The following B3GALT1 variants were observed in gnomAD, a reference collection of about 807,000 sequenced individuals.
B3GALT1 encodes the protein UDP-Gal:betaGlcNAc beta 1,3-galactosyltransferase, polypeptide 1.
B3GALT1 carries 10 observed loss-of-function variants against 23.2 expected under a neutral mutation model. The ratio of observed to expected loss-of-function variants is 0.43; its 90% CI spans 0.27 to 0.73. B3GALT1 has a LOEUF of 0.73. Among genes scored for constraint, B3GALT1 ranks in the 30% least tolerant of loss-of-function variants. The pLI, the probability that B3GALT1 is intolerant of heterozygous loss-of-function variation, is 0.21. For synonymous variants in B3GALT1, 156 were observed against 141.5 expected (o/e 1.10, Z -0.73); for missense variants, 299 against 405.4 (o/e 0.74, Z 2.25).
At chr2:167,529,438 C>T (rs1683284301) in intron 2 of B3GALT1, among the ~76,000 whole-genome samples, 2 of 151,776 alleles carry the variant, frequency 1.3e-5, no homozygotes, top group African/African-American at 4.8e-5. Flanking sequence ...GCCTCTTTGG[C>T]ACTCTAAGAG....
At chr2:167,341,041 T>C (rs1574039919) in intron 1 of B3GALT1, among the ~76,000 whole-genome samples, 1 of 152,062 alleles carries the variant, frequency 6.6e-6, no homozygotes, top group Non-Finnish European at 1.5e-5. Context: ...GAAACTGACA[T>C]TAAGAACTCA....
At chr2:167,721,639 C>T (rs752859727) in intron 3 of B3GALT1, among the ~76,000 whole-genome samples, 3 of 152,156 alleles carry the variant, frequency 2.0e-5, no homozygotes, top group Non-Finnish European at 2.9e-5. Context: ...CTGTGCAAAG[C>T]GCCAGGGCAC....
chr2:167,532,580 T>C (rs1390032432), intron 2 of B3GALT1, among the ~76,000 whole-genome samples: 1 of 150,298 alleles, frequency 6.7e-6, no homozygotes, highest in African/African-American at 2.5e-5. Context: ...ACACTCACTA[T>C]CATTCATTAG....
At chr2:167,836,289 G>T (rs1689469146) in intron 4 of B3GALT1, among the ~76,000 whole-genome samples, 1 of 152,142 alleles carries the variant, frequency 6.6e-6, no homozygotes, top group South Asian at 2.1e-4. Context: ...AAAAAATTTA[G>T]AAGAATGTAT....
chr2:167,690,233 T>C (rs925254502), intron 3 of B3GALT1, among the ~76,000 whole-genome samples: 2 of 152,004 alleles, frequency 1.3e-5, no homozygotes, highest in African/African-American at 4.8e-5. Context: ...ATATTAATAC[T>C]ATAAAATATG....
chr2:167,400,291 A>G (rs775558504), intron 1 of B3GALT1, among the ~76,000 whole-genome samples: 3 of 151,564 alleles, frequency 2.0e-5, no homozygotes, highest in Non-Finnish European at 4.4e-5. Context: ...TTCTTCAGTA[A>G]TGTGCAATTT....
rs1559105189 is a variant in B3GALT1, at chr2:167,464,101, A to G, written c.-510-26076A>G. Among the ~76,000 whole-genome samples the G allele has an allele frequency of 3.3e-5, 5 of 152,302 alleles. No homozygotes were observed. In the South Asian group the frequency reaches 1.0e-3, roughly 32 times the overall value. ...CCAACTGAAAAGGACTTTCTGAAGC[A>G]GTTAATTTAAATGATTTATATGAGG... On this transcript the variant is annotated intron_variant, in intron 1 of 4. Transcript: ENST00000392690.
At chr2:167,504,913 A>T (rs1372356757) in intron 2 of B3GALT1, among the ~76,000 whole-genome samples, 1 of 152,194 alleles carries the variant, frequency 6.6e-6, no homozygotes, top group Non-Finnish European at 1.5e-5. Context: ...CAGTGACAAG[A>T]TCACCTAACA....
intron 3 of B3GALT1, among the ~76,000 whole-genome samples, chr2:167,655,994 G>T (rs1685949441): frequency 6.6e-6 from 1 of 152,094 alleles, no homozygotes; most frequent in Non-Finnish European, 1.5e-5. Flanking sequence ...TCCATACGTT[G>T]TGTCAGCCCC....
intron 2 of B3GALT1, among the ~76,000 whole-genome samples, chr2:167,623,922 A>G (rs1685301035): frequency 6.6e-6 from 1 of 152,008 alleles, no homozygotes; most frequent in Non-Finnish European, 1.5e-5. Context: ...AGTAACTATA[A>G]CACATGGCCA....
intron 3 of B3GALT1, among the ~76,000 whole-genome samples, chr2:167,653,798 C>A (rs1475281293): frequency 6.6e-6 from 1 of 152,216 alleles, no homozygotes; most frequent in Admixed American, 6.5e-5. Context: ...TGTGCCACCA[C>A]TGCCAGTGCC....
intron 4 of B3GALT1, among the ~76,000 whole-genome samples, chr2:167,868,022 G>A (rs1197355556): frequency 6.6e-6 from 1 of 152,164 alleles, no homozygotes; most frequent in Non-Finnish European, 1.5e-5. Context: ...AATTAAAAGG[G>A]CCAGTATAAT....
At chr2:167,381,816 T>C (rs1005464465) in intron 1 of B3GALT1, among the ~76,000 whole-genome samples, 3 of 152,236 alleles carry the variant, frequency 2.0e-5, no homozygotes, top group Non-Finnish European at 4.4e-5. Context: ...AAAAAGTCTT[T>C]GTGGTGTTGA....
intron 2 of B3GALT1, among the ~76,000 whole-genome samples, chr2:167,531,291 G>A (rs1413283145): frequency 3.9e-5 from 6 of 152,262 alleles, no homozygotes; most frequent in Non-Finnish European, 8.8e-5. Context: ...GATTGGGGTG[G>A]AGTTGGCAGG....
intron 3 of B3GALT1, among the ~76,000 whole-genome samples, chr2:167,656,816 T>C (rs1302901625): frequency 1.3e-5 from 2 of 152,132 alleles, no homozygotes; most frequent in Non-Finnish European, 2.9e-5. Context: ...ATAGATTTAG[T>C]GTCTGGATTT....
chr2:167,728,487 G>A (rs1344901331), intron 3 of B3GALT1, among the ~76,000 whole-genome samples: 1 of 152,112 alleles, frequency 6.6e-6, no homozygotes, highest in Non-Finnish European at 1.5e-5. Context: ...AAATATATAT[G>A]GCTATACCAT....
At chr2:167,466,967 A>G (rs1054608622) in intron 1 of B3GALT1, among the ~76,000 whole-genome samples, 14 of 150,790 alleles carry the variant, frequency 9.3e-5, no homozygotes, top group Non-Finnish European at 1.6e-4. Flanking sequence ...AGCTCAGGCA[A>G]TCTGCCTGCC....
rs116156136 is a variant in B3GALT1, at chr2:167,590,073, G to A, written c.-409-56836G>A. Among the ~76,000 whole-genome samples, 1,355 of 152,200 alleles carry A rather than the reference G, an allele frequency of 8.9e-3. 22 individuals are homozygous for A. The highest frequency in any genetic ancestry group is 0.03 in the African/African-American group (1,256 of 41,534). On this transcript the variant is annotated intron_variant, in intron 2 of 4. Coordinates refer to ENST00000392690, the MANE Select transcript of B3GALT1 (RefSeq NM_020981.4). The stretch of plus-strand genomic sequence containing the variant: ...AGAAATAACATTTAGTGGGCCAGGC[G>A]CGGTGACTCACGCCTGTAATCCCAG...
intron 1 of B3GALT1, among the ~76,000 whole-genome samples, chr2:167,307,894 A>G (rs1696573955): frequency 6.6e-6 from 1 of 152,070 alleles, no homozygotes; most frequent in Non-Finnish European, 1.5e-5. Flanking sequence ...ATAGAAAAAC[A>G]TATTCATTTA....
Sources: allele counts gnomAD v4.1 joint callset (sites outside exome capture counted in the v4.1 genomes callset), GRCh38; gene constraint gnomAD v4.1.1; transcripts MANE v1.5; gene names NCBI Gene and HGNC (gene_info 2026-07-23, HGNC 2026-07-21).